Variants in KATNIP observed in about 807,000 individuals in gnomAD.
The protein encoded by KATNIP is katanin interacting protein.
A neutral mutation model predicts 174.0 loss-of-function variants in KATNIP; 126 were observed. The ratio of observed to expected loss-of-function variants is 0.72; its 90% CI spans 0.63 to 0.84. The LOEUF is 0.84. Ranked by LOEUF, KATNIP falls within the 40% of genes least tolerant of loss-of-function variation. The pLI is 0.00. For missense variants in KATNIP, 1,958 were observed against 2,109.7 expected (o/e 0.93, Z 1.41); for synonymous variants, 810 against 835.7 (o/e 0.97, Z 0.53).
At chr16:27,556,102 G>A (rs937038851) in intron 1 of KATNIP, among the ~76,000 whole-genome samples, 1 of 151,888 alleles carries the variant, frequency 6.6e-6, no homozygotes, top group African/African-American at 2.4e-5. Context: ...ACTCTAGCCT[G>A]GGCCAGTGAG....
chr16:27,646,407 G>GA (rs2076956916), intron 5 of KATNIP, among the ~76,000 whole-genome samples: 1 of 152,164 alleles, frequency 6.6e-6, no homozygotes, highest in African/African-American at 2.4e-5. Flanking sequence ...TCTATCCCTG[G>GA]ACTGGCTGGC....
intron 2 of KATNIP, among the ~76,000 whole-genome samples, chr16:27,606,669 C>T (rs1041004593): frequency 2.0e-5 from 3 of 151,882 alleles, no homozygotes; most frequent in Non-Finnish European, 4.4e-5. Flanking sequence ...TGGCCTGTCT[C>T]TCATTGTCTT....
chr16:27,609,251 ATAAAT>A (rs1044988131), intron 2 of KATNIP, among the ~76,000 whole-genome samples: 3 of 152,150 alleles, frequency 2.0e-5, no homozygotes, highest in African/African-American at 7.2e-5. Flanking sequence ...AATAAGTAAA[ATAAAT>A]TAGATGTGTG....
chr16:27,756,294 C>T (rs560226144), intron 18 of KATNIP, among the ~76,000 whole-genome samples: 24 of 152,340 alleles, frequency 1.6e-4, no homozygotes, highest in East Asian at 7.7e-4. Context: ...CAATTACTTT[C>T]GAATAGCAGC....
chr16:27,749,927 C>G lies in KATNIP; in HGVS notation c.2967C>G (p.His989Gln), dbSNP rs140739188. The G allele has an allele frequency of 2.4e-4, 388 of 1,614,082 alleles. No individual in the cohort carries two copies. Among genetic ancestry groups the G allele is most frequent in the Middle Eastern group, 3.3e-4 (2 of 6,084 alleles). Residue 989 changes from histidine to glutamine, a missense_variant, in exon 16 of 28, where the codon CAC becomes CAG. This residue lies in a region of KATNIP where 1,557 missense variants were observed against 1,617.8 expected (regional missense o/e 0.96). Coordinates refer to ENST00000261588, the MANE Select transcript of KATNIP (RefSeq NM_015202.5). The stretch of plus-strand genomic sequence containing the variant: ...TCAAGTCTACCTGGGGGGACAGACA[C>G]TATGTCGGCCTCAACGGAATAGAAA... Reference protein sequence around the residue: ...IDIKSTWGDRHYVGLNGIEIF... With the variant: ...IDIKSTWGDRQYVGLNGIEIF...
chr16:27,669,255 G>A, intron 6 of KATNIP: 1 of 984,998 alleles, frequency 1.0e-6, no homozygotes, highest in Non-Finnish European at 1.2e-6. Context: ...TTCAGTCAGT[G>A]GTTCTTCTAG....
intron 2 of KATNIP, among the ~76,000 whole-genome samples, chr16:27,579,061 G>T (rs1377642473): frequency 4.6e-5 from 7 of 152,140 alleles, no homozygotes; most frequent in Admixed American, 4.6e-4. Context: ...TTGAAATTGT[G>T]GTCATTGTAG....
At chr16:27,673,004 C>T (rs1261799755) in intron 6 of KATNIP, among the ~76,000 whole-genome samples, 1 of 152,144 alleles carries the variant, frequency 6.6e-6, no homozygotes, top group South Asian at 2.1e-4. Flanking sequence ...CAGCTAGGAA[C>T]GTAATCCACA....
rs1274563662 is a variant in KATNIP, at chr16:27,633,583, C to T, written c.408+2421C>T. On this transcript the variant is annotated intron_variant, in intron 5 of 27. Coordinates refer to ENST00000261588, the MANE Select transcript of KATNIP (RefSeq NM_015202.5). ...CTGAGATTTCAGGCATGAGCCTCCA[C>T]GTCAGGCCTGTTGTTATTTTTTAAC... Among the ~76,000 whole-genome samples the T allele has an allele frequency of 2.6e-5, 4 of 152,034 alleles. No homozygotes were observed. In the East Asian group the frequency reaches 5.8e-4, roughly 22 times the overall value.
intron 23 of KATNIP, among the ~76,000 whole-genome samples, chr16:27,774,566 G>T (rs911733962): frequency 6.6e-6 from 1 of 152,098 alleles, no homozygotes; most frequent in South Asian, 2.1e-4. Flanking sequence ...CACATGCCAG[G>T]GTAGAATCCA....
intron 1 of KATNIP, among the ~76,000 whole-genome samples, chr16:27,568,428 A>G (rs530545649): frequency 6.6e-6 from 1 of 152,264 alleles, no homozygotes; most frequent in South Asian, 2.1e-4. Context: ...CTTTTGAGGG[A>G]TTACAGGTGT....
Position 27,775,020 on chromosome 16 carries a change from T to A in KATNIP, c.4385T>A (p.Ile1462Asn). The A allele has an allele frequency of 6.2e-7, 1 of 1,613,690 alleles. No individual in the cohort carries two copies. Among genetic ancestry groups the A allele is most frequent in the Non-Finnish European group, 8.5e-7 (1 of 1,179,898 alleles). Residue 1462 changes from isoleucine to asparagine, a missense_variant, in exon 24 of 28, where the codon ATC (isoleucine) becomes AAC (asparagine). Ile to Asn is a moderately radical substitution (Grantham distance 149, BLOSUM62 -3). Around this residue, in one of 3 missense-constraint regions of KATNIP, gnomAD observed 383 missense variants for 456.0 expected, o/e 0.84. Coordinates refer to ENST00000261588, the MANE Select transcript of KATNIP (RefSeq NM_015202.5). The part of the protein sequence containing the change: ...GGDVRTPDKL[I>N]DQVNDTSDGR... ...GACGTCCGCACCCCAGACAAGCTCATCGACCAAGTGAACGACACCAGTGAT... is the reference window on the plus strand; with the variant it reads ...GACGTCCGCACCCCAGACAAGCTCAACGACCAAGTGAACGACACCAGTGAT...
intron 17 of KATNIP, among the ~76,000 whole-genome samples, chr16:27,753,578 T>A (rs188736016): frequency 6.6e-6 from 1 of 152,284 alleles, no homozygotes; most frequent in African/African-American, 2.4e-5. Flanking sequence ...AAGACCAGGA[T>A]TTTTTATCCT....
At position 27,777,593 on chromosome 16, in the gene KATNIP, G is replaced by C; in HGVS notation, c.4552-17G>C. ...GGGACGAGGGGGACCCATGAGTCCT[G>C]CCCCGTGTCCCTGCAGCTCCTGGTG... On this transcript the variant is annotated splice_polypyrimidine_tract_variant and intron_variant, in intron 25 of 27. Coordinates refer to ENST00000261588, the MANE Select transcript of KATNIP (RefSeq NM_015202.5). This position sits in a 1 kb window ranked among gnomAD's most constrained non-coding sequence, Gnocchi z 4.4. 6.3e-7 allele frequency: 1 copy of C among 1,597,484 alleles called. No homozygotes were observed. Among genetic ancestry groups the C allele is most frequent in the East Asian group, 2.2e-5 (1 of 44,738 alleles).
chr16:27,667,949 A>C (rs2077743907), intron 6 of KATNIP, among the ~76,000 whole-genome samples: 2 of 152,200 alleles, frequency 1.3e-5, no homozygotes, highest in African/African-American at 4.8e-5. Context: ...AGTGAGGCCC[A>C]GAACTTAGAC....
At chr16:27,677,099 C>T (rs2078146329) in intron 6 of KATNIP, among the ~76,000 whole-genome samples, 1 of 152,174 alleles carries the variant, frequency 6.6e-6, no homozygotes, top group South Asian at 2.1e-4. Context: ...AAGGAATCTA[C>T]AATTTCATGT....
At chr16:27,656,192 G>T (rs1454033382) in intron 6 of KATNIP, among the ~76,000 whole-genome samples, 1 of 152,064 alleles carries the variant, frequency 6.6e-6, no homozygotes, top group Non-Finnish European at 1.5e-5. Context: ...TTGGGAGGCC[G>T]AGGTGGTAGG....
At chr16:27,612,901 G>C (rs908621931) in intron 2 of KATNIP, among the ~76,000 whole-genome samples, 1 of 152,034 alleles carries the variant, frequency 6.6e-6, no homozygotes, top group Non-Finnish European at 1.5e-5. Context: ...GTTGAGGCCA[G>C]GAATTTGAGA....
intron 22 of KATNIP, 142 bp downstream of exon 22, chr16:27,771,794 GCCTC>G: frequency 1.3e-6 from 1 of 786,318 alleles, no homozygotes; most frequent in Non-Finnish European, 2.0e-6. Context: ...AGGATAGGAG[GCCTC>G]CTGGGTCCTC....
Sources: gnomAD v4.1 joint callset for allele counts (sites outside exome capture counted in the v4.1 genomes callset) on GRCh38, gnomAD v4.1.1 for gene constraint, gnomAD v4.1.1 regional missense constraint, Gnocchi (gnomAD v3.1) non-coding constraint, MANE v1.5 for transcripts, NCBI Gene and HGNC (gene_info 2026-07-23, HGNC 2026-07-21) for gene names.